The following FGGY variants were observed in gnomAD, a reference collection of about 807,000 sequenced individuals.
FGGY encodes the protein FGGY carbohydrate kinase domain-containing protein.
In FGGY, 72 loss-of-function variants were observed where a neutral mutation model predicts 71.3. That is an observed-to-expected ratio of 1.01 (90% CI 0.84 to 1.23). FGGY has a LOEUF of 1.23. FGGY is among the 50% of genes most tolerant of loss of function. The probability of loss-of-function intolerance (pLI) is 0.00; values close to 1 mark genes in which losing one functional copy is unlikely to be tolerated. For synonymous variants in FGGY, 251 were observed against 250.3 expected, an observed-to-expected ratio of 1.00 and a Z score of -0.02; for missense variants, 668 against 682.3, an observed-to-expected ratio of 0.98 and a Z score of 0.23.
At chr1:59,452,480 C>A (rs1228832153) in intron 5 of FGGY, among the ~76,000 whole-genome samples, 1 of 152,146 alleles carries the variant, frequency 6.6e-6, no homozygotes, top group Non-Finnish European at 1.5e-5. Flanking sequence ...TCATTGTTTT[C>A]ATCATTAAAA....
At chr1:59,541,104 A>G (rs932385461) in intron 7 of FGGY, among the ~76,000 whole-genome samples, 2 of 152,146 alleles carry the variant, frequency 1.3e-5, no homozygotes, top group Admixed American at 1.3e-4. Context: ...AGCCTTCCTC[A>G]AACAATGTAT....
intron 4 of FGGY, among the ~76,000 whole-genome samples, chr1:59,349,064 T>C (rs1404696683): frequency 6.6e-6 from 1 of 152,182 alleles, no homozygotes; most frequent in Non-Finnish European, 1.5e-5. Context: ...TTGAGTTGTA[T>C]AAGCATTAGT....
chr1:59,364,034 C>T (rs966663248), intron 4 of FGGY, among the ~76,000 whole-genome samples: 4 of 152,132 alleles, frequency 2.6e-5, no homozygotes, highest in Non-Finnish European at 4.4e-5. Context: ...GTAAAGTACG[C>T]CTGTCCTTTA....
chr1:59,441,315 G>A (rs2069818307), intron 5 of FGGY, among the ~76,000 whole-genome samples: 1 of 152,160 alleles, frequency 6.6e-6, no homozygotes, highest in Non-Finnish European at 1.5e-5. Context: ...GGAGGGCACA[G>A]TTTGGGCCCA....
At chr1:59,301,262 A>G (rs2042697034) in intron 1 of FGGY, among the ~76,000 whole-genome samples, 1 of 152,268 alleles carries the variant, frequency 6.6e-6, no homozygotes, top group Non-Finnish European at 1.5e-5. Context: ...TATTTTAAAA[A>G]TTTATTTTCC....
intron 6 of FGGY, among the ~76,000 whole-genome samples, chr1:59,463,352 C>T (rs550143580): frequency 6.6e-6 from 1 of 152,280 alleles, no homozygotes; most frequent in Non-Finnish European, 1.5e-5. Context: ...ACAAGAGCTC[C>T]TGAAGGAAGC....
At chr1:59,574,821 C>T (rs1270858050) in intron 8 of FGGY, among the ~76,000 whole-genome samples, 3 of 151,778 alleles carry the variant, frequency 2.0e-5, no homozygotes, top group Non-Finnish European at 4.4e-5. Flanking sequence ...TGAATAATAC[C>T]TGTGAGATTT....
At chr1:59,614,603 C>G (rs1572123355) in intron 9 of FGGY, among the ~76,000 whole-genome samples, 1 of 152,162 alleles carries the variant, frequency 6.6e-6, no homozygotes, top group Admixed American at 6.5e-5. Context: ...CAGGGATGCC[C>G]TCTCTCACCA....
chr1:59,600,919 C>G (rs1171935378), intron 8 of FGGY, among the ~76,000 whole-genome samples: 1 of 151,178 alleles, frequency 6.6e-6, no homozygotes, highest in Non-Finnish European at 1.5e-5. Flanking sequence ...ACAATTCAAT[C>G]TGAGAAATGT....
chr1:59,611,814 G>A (rs578254793), intron 9 of FGGY, among the ~76,000 whole-genome samples: 9 of 152,320 alleles, frequency 5.9e-5, no homozygotes, highest in Admixed American at 2.0e-4. Context: ...AGGACCTGAT[G>A]GAGCTGAAAA....
chr1:59,341,412 G>T (rs1212828578), intron 3 of FGGY, among the ~76,000 whole-genome samples: 1 of 152,160 alleles, frequency 6.6e-6, no homozygotes, highest in African/African-American at 2.4e-5. Context: ...TTCACTATAA[G>T]TGATCACTAT....
intron 8 of FGGY, among the ~76,000 whole-genome samples, chr1:59,596,731 G>A (rs2096528740): frequency 6.6e-6 from 1 of 152,130 alleles, no homozygotes; most frequent in African/African-American, 2.4e-5. Flanking sequence ...AAGATTCACA[G>A]GCCTAGTCCA....
Position 59,480,063 on chromosome 1 carries a change from G to A in FGGY, c.670+22987G>A, listed in dbSNP as rs188823649. ...ACCTAGCCTGTGTTCCCATAATCTCGCAACTGGATTATTCAACAGGCTTAT... is the reference window on the plus strand; with the variant it reads ...ACCTAGCCTGTGTTCCCATAATCTCACAACTGGATTATTCAACAGGCTTAT... On this transcript the variant is annotated intron_variant, in intron 6 of 15. Transcript: ENST00000303721. Among the ~76,000 whole-genome samples, 5 of 151,966 alleles carry A rather than the reference G, an allele frequency of 3.3e-5. 1 individual carries two copies. The highest frequency in any genetic ancestry group is 4.2e-4 in the South Asian group (2 of 4,818).
At chr1:59,606,532 T>G (rs2096625421) in intron 8 of FGGY, among the ~76,000 whole-genome samples, 1 of 152,180 alleles carries the variant, frequency 6.6e-6, no homozygotes, top group African/African-American at 2.4e-5. Flanking sequence ...TTAACATTTT[T>G]TTTTCAGGGG....
chr1:59,626,121 TG>T, intron 10 of FGGY, 72 bp downstream of exon 10: 2 of 1,310,154 alleles, frequency 1.5e-6, no homozygotes, highest in African/African-American at 1.5e-5. Context: ...GTTGGGCAGT[TG>T]GGTGATTTTC....
chr1:59,758,050 A>C (rs1473648862), intron 15 of FGGY, 58 bp downstream of exon 15: 2 of 1,175,908 alleles, frequency 1.7e-6, no homozygotes, highest in African/African-American at 3.1e-5. Context: ...ACACACACAC[A>C]TGCAACTATA....
intron 6 of FGGY, among the ~76,000 whole-genome samples, chr1:59,485,558 T>A (rs993442708): frequency 7.9e-5 from 12 of 152,196 alleles, no homozygotes; most frequent in African/African-American, 2.9e-4. Flanking sequence ...TTTGTTTGTA[T>A]GAGTAGGAAA....
intron 10 of FGGY, among the ~76,000 whole-genome samples, chr1:59,637,587 A>T (rs572093537): frequency 3.3e-5 from 5 of 152,186 alleles, no homozygotes; most frequent in Admixed American, 3.3e-4. Context: ...GGGCAACAAG[A>T]CTGAAACTCC....
At chr1:59,543,348 G>C (rs552037866) in intron 7 of FGGY, among the ~76,000 whole-genome samples, 4 of 152,318 alleles carry the variant, frequency 2.6e-5, no homozygotes, top group South Asian at 4.1e-4. Context: ...CCTGGGAGTA[G>C]TGGTGGCAGG....
Sources: allele counts gnomAD v4.1 joint callset (sites outside exome capture counted in the v4.1 genomes callset), GRCh38; gene constraint gnomAD v4.1.1; transcripts MANE v1.5; gene names NCBI Gene and HGNC (gene_info 2026-07-23, HGNC 2026-07-21).